The following UCK2 variants were observed in gnomAD, a reference collection of about 807,000 sequenced individuals.
UCK2 encodes the protein cytidine monophosphokinase 2.
In UCK2, 6 loss-of-function variants were observed where a neutral mutation model predicts 30.8. The ratio of observed to expected loss-of-function variants is 0.19; its 90% CI spans 0.11 to 0.38. The LOEUF (loss-of-function observed/expected upper bound fraction) is 0.38. Among genes scored for constraint, UCK2 ranks in the 10% least tolerant of loss-of-function variants. The pLI, the probability that UCK2 is intolerant of heterozygous loss-of-function variation, is 1.00. For missense variants in UCK2, 210 were observed against 339.8 expected, an observed-to-expected ratio of 0.62 and a Z score of 3.00; for synonymous variants, 125 against 133.6, an observed-to-expected ratio of 0.94 and a Z score of 0.45.
chr1:165,877,434 G>C (rs1035500763), intron 1 of UCK2, among the ~76,000 whole-genome samples: 15 of 152,128 alleles, frequency 9.9e-5, no homozygotes, highest in African/African-American at 3.6e-4. Flanking sequence ...ACCTGCCCCG[G>C]ATTTCCCGCC....
chr1:165,870,202 T>G (rs1333585818), intron 1 of UCK2, among the ~76,000 whole-genome samples: 2 of 634 alleles, frequency 3.2e-3, no homozygotes, highest in African/African-American at 8.1e-3. Context: ...TCTAACTTCA[T>G]TTTTTTTTTT....
chr1:165,894,806 C>T (rs1655852541), intron 3 of UCK2, among the ~76,000 whole-genome samples: 1 of 151,958 alleles, frequency 6.6e-6, no homozygotes, highest in South Asian at 2.1e-4. Context: ...CCAACGGCAC[C>T]CTCTTGAGCT....
At chr1:165,862,871 A>G (rs1421533220) in intron 1 of UCK2, among the ~76,000 whole-genome samples, 1 of 152,214 alleles carries the variant, frequency 6.6e-6, no homozygotes, top group African/African-American at 2.4e-5. Context: ...GAAATTTGGA[A>G]AAGAAGCTTG....
Position 165,890,228 on chromosome 1 carries a change from C to T in UCK2, c.124C>T (p.Gln42Ter). 2 of 1,614,128 alleles carry T rather than the reference C, an allele frequency of 1.2e-6. No homozygotes were observed. Among genetic ancestry groups the T allele is most frequent in the Non-Finnish European group, 1.7e-6 (2 of 1,180,034 alleles). The change falls in exon 2 of 7, where the codon CAG becomes TAG. Residue 42 changes from glutamine (Q) to a stop codon, truncating the protein, a stop_gained. Coordinates refer to ENST00000367879, the MANE Select transcript of UCK2 (RefSeq NM_012474.5). LOFTEE classifies it high-confidence loss of function. ...GKSSVCAKIV[Q>*]LLGQNEVDYR... Reference sequence around the variant, plus strand: ...GTCTTCCGTGTGTGCTAAGATCGTGCAGCTCCTGGGGCAGAATGAGGTGGA... The same window carrying T: ...GTCTTCCGTGTGTGCTAAGATCGTGTAGCTCCTGGGGCAGAATGAGGTGGA...
At chr1:165,862,395 C>T (rs1169882299) in intron 1 of UCK2, among the ~76,000 whole-genome samples, 4 of 152,090 alleles carry the variant, frequency 2.6e-5, no homozygotes, top group Non-Finnish European at 5.9e-5. Flanking sequence ...GATGTAGGCA[C>T]AAGGCAGAGG....
intron 1 of UCK2, among the ~76,000 whole-genome samples, chr1:165,882,272 G>T (rs1177609231): frequency 6.6e-6 from 1 of 152,156 alleles, no homozygotes; most frequent in African/African-American, 2.4e-5. Context: ...TGTGGTTCCT[G>T]TGATAATTAA....
chr1:165,875,506 C>T (rs1156363541), intron 1 of UCK2, among the ~76,000 whole-genome samples: 1 of 152,156 alleles, frequency 6.6e-6, no homozygotes, highest in East Asian at 1.9e-4. Flanking sequence ...ACACTATTTA[C>T]CTGGAGATAG....
At chr1:165,880,283 C>T (rs1041915908) in intron 1 of UCK2, among the ~76,000 whole-genome samples, 1 of 152,162 alleles carries the variant, frequency 6.6e-6, no homozygotes, top group Non-Finnish European at 1.5e-5. Flanking sequence ...CTGTAATAAG[C>T]ATATTATCTT....
At chr1:165,896,818 T>G (rs1040339066) in intron 4 of UCK2, among the ~76,000 whole-genome samples, 1 of 152,172 alleles carries the variant, frequency 6.6e-6, no homozygotes, top group Non-Finnish European at 1.5e-5. Context: ...TATCACTCTT[T>G]CCAGTCAGCT....
chr1:165,896,953 C>T (rs1647281361), intron 4 of UCK2, among the ~76,000 whole-genome samples: 1 of 152,312 alleles, frequency 6.6e-6, no homozygotes, highest in South Asian at 2.1e-4. Context: ...AGCCTGTGAA[C>T]TGAGCTCTAC....
intron 4 of UCK2, among the ~76,000 whole-genome samples, chr1:165,901,699 A>G (rs1349643213): frequency 2.6e-5 from 4 of 152,204 alleles, no homozygotes; most frequent in Non-Finnish European, 4.4e-5. Context: ...TGACATCTGC[A>G]AAGAGAGGCA....
intron 1 of UCK2, among the ~76,000 whole-genome samples, chr1:165,845,994 C>T (rs1654439321): frequency 6.6e-6 from 1 of 152,088 alleles, no homozygotes; most frequent in East Asian, 1.9e-4. Flanking sequence ...GGCTGTCATG[C>T]CCTGCAAAGA....
intron 1 of UCK2, among the ~76,000 whole-genome samples, chr1:165,841,936 A>AT (rs1654341184): frequency 6.6e-6 from 1 of 152,194 alleles, no homozygotes; most frequent in Non-Finnish European, 1.5e-5. Context: ...AGTATGCTAA[A>AT]TACCAAGTAA....
At chr1:165,836,451 A>G (rs1309679207) in intron 1 of UCK2, among the ~76,000 whole-genome samples, 2 of 152,208 alleles carry the variant, frequency 1.3e-5, no homozygotes, top group South Asian at 2.1e-4. Flanking sequence ...ATATTGTTAT[A>G]TGAAGGTCAC....
intron 1 of UCK2, among the ~76,000 whole-genome samples, chr1:165,838,545 G>A (rs995970707): frequency 6.6e-6 from 1 of 152,164 alleles, no homozygotes; most frequent in Non-Finnish European, 1.5e-5. Context: ...TGAAGAATGA[G>A]TTACTTTGCT....
rs181344751 is a variant in UCK2, at chr1:165,907,817, G to T, written c.780G>T (p.Pro260=). 20 of 1,613,856 alleles carry T rather than the reference G, an allele frequency of 1.2e-5. No homozygotes were observed. Among genetic ancestry groups the T allele is most frequent in the Admixed American group, 3.3e-5 (2 of 59,990 alleles). Reference sequence around the variant, plus strand: ...AGGCATCGGAGTCCAGCAGCAGGCCGCATTGACCCGTCTCCATCGGACCCC... The same window carrying T: ...AGGCATCGGAGTCCAGCAGCAGGCCTCATTGACCCGTCTCCATCGGACCCC... ...KRQASESSSR[P]H is the part of the protein sequence containing the mutation. Residue 260 remains proline (P), a synonymous_variant, in exon 7 of 7, where the codon CCG becomes CCT. Coordinates refer to ENST00000367879, the MANE Select transcript of UCK2 (RefSeq NM_012474.5).
At chr1:165,854,402 C>A (rs1657222555) in intron 1 of UCK2, among the ~76,000 whole-genome samples, 1 of 152,066 alleles carries the variant, frequency 6.6e-6, no homozygotes, top group African/African-American at 2.4e-5. Context: ...TCTTGGGTGT[C>A]CCATGGGGAA....
At chr1:165,895,531 G>A in intron 3 of UCK2, 1 of 985,470 alleles carries the variant, frequency 1.0e-6, no homozygotes, top group Non-Finnish European at 1.2e-6. Context: ...TATTGATAAG[G>A]AAGAGCAGCT....
intron 4 of UCK2, among the ~76,000 whole-genome samples, chr1:165,901,283 A>G (rs1225648804): frequency 6.6e-6 from 1 of 152,190 alleles, no homozygotes; most frequent in Non-Finnish European, 1.5e-5. Context: ...CACTTCGTAA[A>G]TCGAGGAGCT....
Sources: gnomAD v4.1 joint callset for allele counts (sites outside exome capture counted in the v4.1 genomes callset) on GRCh38, gnomAD v4.1.1 for gene constraint, MANE v1.5 for transcripts, NCBI Gene and HGNC (gene_info 2026-07-23, HGNC 2026-07-21) for gene names.